NCBP3: variants seen among roughly 807,000 people sequenced by gnomAD.
The protein encoded by NCBP3 is nuclear cap binding subunit 3, also known as nuclear cap-binding protein subunit 3.
NCBP3 carries 20 observed loss-of-function variants against 75.7 expected under a neutral mutation model. That is an observed-to-expected ratio of 0.26 (90% CI 0.19 to 0.38). NCBP3 has a LOEUF of 0.38. Ranked by LOEUF, NCBP3 falls within the 10% of genes least tolerant of loss-of-function variation. The probability of loss-of-function intolerance (pLI) is 1.00; values close to 1 mark genes in which losing one functional copy is unlikely to be tolerated. For synonymous variants in NCBP3, 293 were observed against 290.5 expected, an observed-to-expected ratio of 1.01 and a Z score of -0.09; for missense variants, 678 against 796.9, an observed-to-expected ratio of 0.85 and a Z score of 1.80.
At chr17:3,816,614 G>A (rs2053537862) in intron 10 of NCBP3, among the ~76,000 whole-genome samples, 2 of 152,212 alleles carry the variant, frequency 1.3e-5, no homozygotes, top group African/African-American at 4.8e-5. Context: ...TGATGTGGCT[G>A]TAGTCAACAC....
chr17:3,828,917 C>T (rs117772589), intron 4 of NCBP3, among the ~76,000 whole-genome samples: 1 of 152,266 alleles, frequency 6.6e-6, no homozygotes, highest in Non-Finnish European at 1.5e-5. Flanking sequence ...CCCAAGTCTA[C>T]GCAGTTGGAT....
In NCBP3 at chr17:3,821,977, A is replaced by G; in HGVS notation, c.872T>C (p.Met291Thr). The G allele has an allele frequency of 6.2e-7, 1 of 1,612,222 alleles. No homozygotes were observed. Residue 291 changes from methionine (M) to threonine (T), a missense_variant, in exon 8 of 13, where the codon ATG becomes ACG. By Grantham distance (81) the Met-to-Thr change is moderately conservative (BLOSUM62 -1). This residue lies in a region of NCBP3 where 38 missense variants were observed against 78.9 expected (regional missense o/e 0.48). Transcript: ENST00000389005. ...CCATGAATTGCTAAGAATTCCTTTC[A>G]TGCCTCCATAATTTGGATTCCCATA... is the stretch of plus-strand genomic sequence containing the variant. ...MKYGNPNYGG[M>T]KGILSNSWKR... is the part of the protein sequence containing the mutation.
Position 3,814,440 on chromosome 17 carries a change from CT to C in NCBP3, c.1508del (p.Lys503ArgfsTer21). ...GAACGACGGGGTTACTACTAAAAGC[CT>C]TTTCCGGAGAATGTGGTCTTTTTCC... ...RLGKRPHSPEKAFSSNPVVRR... is the reference protein window; with the variant it reads ...RLGKRPHSPEXAFSSNPVVRR... On this transcript the variant is annotated frameshift_variant, in exon 12 of 13. Coordinates refer to ENST00000389005, the MANE Select transcript of NCBP3 (RefSeq NM_001114118.3). LOFTEE classifies it high-confidence loss of function. 6.2e-7 allele frequency: 1 copy of C among 1,614,206 alleles called. No homozygotes were observed.
rs2053362479 is a variant in NCBP3 at position 3,808,684 on chromosome 17, A to C, written c.*4360T>G. The C allele has an allele frequency of 6.6e-6, 1 of 152,306 alleles. No individual in the cohort carries two copies. The highest frequency in any genetic ancestry group is 2.1e-4 in the South Asian group (1 of 4,830). 9.4% of individuals were successfully genotyped at this position (152,306 alleles called of 1,614,324 possible). ...CAGGCCAGGGATACTGCCAGAGGAT[A>C]GACCTTGGTGAGCCTCATAACATGC... On this transcript the variant is annotated 3_prime_UTR_variant, in exon 13 of 13. Coordinates refer to ENST00000389005, the MANE Select transcript of NCBP3 (RefSeq NM_001114118.3).
In NCBP3 at chr17:3,806,777, T is replaced by C. The variant is rs2143613968; in HGVS notation, c.*6267A>G. On this transcript the variant is annotated 3_prime_UTR_variant, in exon 13 of 13. Transcript: ENST00000389005. ...TCTTCTAAGATTTATTTTATAAACA[T>C]GTAAGAAAAGTTGTAGATATTTATT... 6.7e-6 allele frequency: 1 copy of C among 149,548 alleles called. No individual in the cohort carries two copies. Among genetic ancestry groups the C allele is most frequent in the African/African-American group, 2.5e-5 (1 of 40,672 alleles). The allele number at this position is 149,548 out of a possible 1,614,324, so 9.3% of individuals were successfully genotyped here. A position where few individuals can be genotyped will look rare whatever the true frequency, so the allele number is the denominator to read the frequency against.
intron 10 of NCBP3, 85 bp from the exon 11 acceptor site, chr17:3,816,355 A>G: frequency 8.2e-7 from 1 of 1,226,680 alleles, no homozygotes; most frequent in Non-Finnish European, 1.1e-6. Context: ...ACTTTGGAGG[A>G]AACAATTTAA....
chr17:3,816,013 A>G, intron 11 of NCBP3, 103 bp downstream of exon 11: 2 of 1,123,154 alleles, frequency 1.8e-6, no homozygotes, highest in Non-Finnish European at 2.5e-6. Context: ...CAGGACAGCT[A>G]AATCAGTTCA....
Position 3,802,915 on chromosome 17 carries a change from C to G in NCBP3, c.*10129G>C, listed in dbSNP as rs777211263. 1 of 152,288 alleles carries G rather than the reference C, an allele frequency of 6.6e-6. No homozygotes were observed. The allele number at this position is 152,288 out of a possible 1,614,324, so 9.4% of individuals were successfully genotyped here. Reference sequence around the variant, plus strand: ...ACAGGGAGCAGGGCCACTTCTGTACCTCTGCACACTTCTAGAATGCGGACT... The same window carrying G: ...ACAGGGAGCAGGGCCACTTCTGTACGTCTGCACACTTCTAGAATGCGGACT... On this transcript the variant is annotated 3_prime_UTR_variant, in exon 13 of 13. Transcript: ENST00000389005.
intron 9 of NCBP3, among the ~76,000 whole-genome samples, chr17:3,819,514 C>T (rs1268600505): frequency 2.0e-5 from 3 of 150,848 alleles, no homozygotes; most frequent in Admixed American, 6.6e-5. Flanking sequence ...GAGCCGAGAT[C>T]GCGCCACTGC....
chr17:3,826,049 G>C (rs984460326), intron 5 of NCBP3, 38 bp downstream of exon 5: 1 of 1,539,412 alleles, frequency 6.5e-7, no homozygotes, highest in Non-Finnish European at 8.8e-7. Flanking sequence ...GTAAAGAAGA[G>C]GACTTTCAGA....
chr17:3,821,281 A>C lies in NCBP3; in HGVS notation c.968T>G (p.Val323Gly), dbSNP rs921784546. The C allele has an allele frequency of 1.2e-6, 2 of 1,614,120 alleles. No homozygotes were observed. Among genetic ancestry groups the C allele is most frequent in the African/African-American group, 2.7e-5 (2 of 75,056 alleles). The change falls in exon 9 of 13, where the codon GTT (valine) becomes GGT (glycine). Residue 323 changes from valine (V) to glycine (G), a missense_variant. Val to Gly is a moderately radical substitution (Grantham distance 109). Around this residue, in one of 7 missense-constraint regions of NCBP3, gnomAD observed 365 missense variants for 392.7 expected, o/e 0.93. Coordinates refer to ENST00000389005, the MANE Select transcript of NCBP3 (RefSeq NM_001114118.3). ...TCGATGTTTATACGACGTCAAGCCA[A>C]CGTCATCCCCAATCAGGGCTCTCTT... ...IKKRALIGDD[V>G]GLTSYKHRHS...
chr17:3,817,225 T>G (rs1002746035), intron 10 of NCBP3, among the ~76,000 whole-genome samples: 3 of 151,414 alleles, frequency 2.0e-5, no homozygotes, highest in Admixed American at 2.0e-4. Flanking sequence ...AAATAACTAT[T>G]TTTTTTTTGT....
chr17:3,840,072 G>A, intron 3 of NCBP3, 28 bp downstream of exon 3: 1 of 1,524,776 alleles, frequency 6.6e-7, no homozygotes, highest in Non-Finnish European at 8.9e-7. Flanking sequence ...GGGAAATGTG[G>A]ACAAATTTCC....
chr17:3,819,558 T>C (rs951475421), intron 9 of NCBP3, among the ~76,000 whole-genome samples: 1 of 136,250 alleles, frequency 7.3e-6, no homozygotes, highest in African/African-American at 3.0e-5. Context: ...AGACTCTGTC[T>C]CAAAAAAAAA....
At chr17:3,830,875 G>A (rs1446993723) in intron 3 of NCBP3, among the ~76,000 whole-genome samples, 1 of 149,416 alleles carries the variant, frequency 6.7e-6, no homozygotes, top group Non-Finnish European at 1.5e-5. Context: ...GAGCCACGGC[G>A]CCCAGCCAAT....
chr17:3,830,969 T>C (rs1030448798), intron 3 of NCBP3, among the ~76,000 whole-genome samples: 1 of 151,094 alleles, frequency 6.6e-6, no homozygotes, highest in African/African-American at 2.4e-5. Flanking sequence ...TGGAATGCAA[T>C]GGTGCAATCT....
At chr17:3,813,403 AC>A in intron 12 of NCBP3, 124 bp from the exon 13 acceptor site, 1 of 1,185,974 alleles carries the variant, frequency 8.4e-7, no homozygotes, top group Non-Finnish European at 1.2e-6. Flanking sequence ...GGAGCCTGCC[AC>A]CACAGTGCAG....
At chr17:3,820,181 T>C (rs1441242559) in intron 9 of NCBP3, among the ~76,000 whole-genome samples, 3 of 152,132 alleles carry the variant, frequency 2.0e-5, no homozygotes, top group African/African-American at 7.2e-5. Context: ...AACTCCTGGT[T>C]TCAAGTGATC....
chr17:3,829,182 G>A, intron 4 of NCBP3, 61 bp downstream of exon 4: 1 of 1,532,080 alleles, frequency 6.5e-7, no homozygotes, highest in Non-Finnish European at 8.8e-7. Flanking sequence ...ATCTCTGATG[G>A]CAAGAACTCT....
Sources: allele counts gnomAD v4.1 joint callset (sites outside exome capture counted in the v4.1 genomes callset), GRCh38; gene constraint gnomAD v4.1.1; regional missense constraint gnomAD v4.1.1; transcripts MANE v1.5; gene names NCBI Gene and HGNC (gene_info 2026-07-23, HGNC 2026-07-21).